KLRG1: variants seen among roughly 807,000 people sequenced by gnomAD.
KLRG1 encodes killer cell lectin like receptor G1.
KLRG1 carries 16 observed loss-of-function variants against 21.8 expected under a neutral mutation model. The ratio of observed to expected loss-of-function variants is 0.73; its 90% confidence interval spans 0.50 to 1.11. The LOEUF (loss-of-function observed/expected upper bound fraction) is 1.11. Ranked by LOEUF, KLRG1 falls within the 50% of genes most tolerant of loss-of-function variation. The pLI is 0.00. For missense variants in KLRG1, 173 were observed against 218.3 expected, an observed-to-expected ratio of 0.79 and a Z score of 1.31; for synonymous variants, 69 against 75.9, an observed-to-expected ratio of 0.91 and a Z score of 0.47.
chr12:9,063,847 G>A, the KLRG1 span, among the ~76,000 whole-genome samples: 4 of 152,114 alleles, frequency 2.6e-5, no homozygotes, highest in Non-Finnish European at 5.9e-5. Flanking sequence ...CAGATAGTAG[G>A]CAATCAGTTA....
At chr12:9,149,229 A>AT in the KLRG1 span, among the ~76,000 whole-genome samples, 1 of 152,252 alleles carries the variant, frequency 6.6e-6, no homozygotes, top group African/African-American at 2.4e-5. Flanking sequence ...CATTTACAAA[A>AT]TTAAGTGTAA....
chr12:9,169,603 G>A, the KLRG1 span: 1,183 of 1,582,398 alleles, frequency 7.5e-4, 2 homozygotes, highest in Non-Finnish European at 9.6e-4. Flanking sequence ...TGTAGCAGTG[G>A]GGGGATCAAA....
the KLRG1 span, among the ~76,000 whole-genome samples, chr12:9,205,097 AAAAAC>A: frequency 2.0e-5 from 3 of 152,324 alleles, no homozygotes; most frequent in East Asian, 1.9e-4. Context: ...TGTTTCAAAA[AAAAAC>A]AAAACAAAGT....
the KLRG1 span, among the ~76,000 whole-genome samples, chr12:9,039,830 T>G: frequency 6.6e-6 from 1 of 152,258 alleles, no homozygotes; most frequent in Non-Finnish European, 1.5e-5. Context: ...AGTTCTTTAG[T>G]GGCCATTCAA....
At chr12:9,162,910 T>G in the KLRG1 span, among the ~76,000 whole-genome samples, 2 of 152,194 alleles carry the variant, frequency 1.3e-5, no homozygotes, top group Non-Finnish European at 2.9e-5. Flanking sequence ...CTAGCTATTC[T>G]TCCTGATGCT....
intron 1 of KLRG1, among the ~76,000 whole-genome samples, chr12:8,968,231 C>T (rs1040194206): frequency 1.1e-4 from 8 of 70,812 alleles, no homozygotes; most frequent in Non-Finnish European, 1.0e-4. Flanking sequence ...CAAGTGTATG[C>T]TATCTAAAAC....
the KLRG1 span, among the ~76,000 whole-genome samples, chr12:9,173,356 C>G: frequency 6.6e-6 from 1 of 152,114 alleles, no homozygotes; most frequent in South Asian, 2.1e-4. Context: ...CACTAAGTGC[C>G]TGCATCTAAA....
At chr12:9,213,168 G>A in the KLRG1 span, among the ~76,000 whole-genome samples, 1 of 152,050 alleles carries the variant, frequency 6.6e-6, no homozygotes, top group African/African-American at 2.4e-5. Flanking sequence ...ATGAGTGAAC[G>A]ATATTGAACA....
At chr12:9,180,810 T>C in the KLRG1 span, among the ~76,000 whole-genome samples, 1 of 152,138 alleles carries the variant, frequency 6.6e-6, no homozygotes, top group African/African-American at 2.4e-5. Context: ...GGGATCTAAT[T>C]AAACTAAAGA....
At chr12:9,214,681 C>T in the KLRG1 span, among the ~76,000 whole-genome samples, 11 of 151,860 alleles carry the variant, frequency 7.2e-5, no homozygotes, top group Admixed American at 2.6e-4. Context: ...TGTTGCAATG[C>T]GTCCGTCCAG....
the KLRG1 span, among the ~76,000 whole-genome samples, chr12:9,025,595 C>A: frequency 2.6e-4 from 40 of 152,118 alleles, no homozygotes; most frequent in African/African-American, 9.7e-4. Flanking sequence ...CGAGATCGTG[C>A]GACTGCACTC....
chr12:9,175,170 ATCT>A, the KLRG1 span, among the ~76,000 whole-genome samples: 35 of 152,172 alleles, frequency 2.3e-4, no homozygotes, highest in Non-Finnish European at 4.7e-4. Flanking sequence ...ACCTACAACC[ATCT>A]GATCTTTGAC....
the KLRG1 span, chr12:9,158,562 A>G: frequency 3.7e-6 from 6 of 1,614,122 alleles, no homozygotes; most frequent in African/African-American, 1.3e-5. Flanking sequence ...AGTCTTCAGT[A>G]CAAAAGCTGT....
the KLRG1 span, chr12:9,104,440 A>G: frequency 3.2e-5 from 49 of 1,539,266 alleles, no homozygotes; most frequent in Non-Finnish European, 4.1e-5. Flanking sequence ...ATTGGTAATA[A>G]CTAATAGGCA....
the KLRG1 span, chr12:9,168,651 G>T: frequency 4.5e-6 from 2 of 445,876 alleles, no homozygotes; most frequent in South Asian, 5.2e-5. Context: ...TATTTTATCT[G>T]ATTTTGTGCC....
chr12:9,210,673 A>G, the KLRG1 span, among the ~76,000 whole-genome samples: 3 of 152,222 alleles, frequency 2.0e-5, no homozygotes, highest in African/African-American at 7.2e-5. Context: ...ATTACCTTGT[A>G]TACCATTACT....
the KLRG1 span, chr12:9,181,172 A>G: frequency 2.5e-6 from 4 of 1,613,024 alleles, no homozygotes; most frequent in African/African-American, 2.7e-5. Context: ...TGTTTTCCCT[A>G]CTTCTGTGAT....
chr12:9,146,945 T>C, the KLRG1 span, among the ~76,000 whole-genome samples: 1 of 152,074 alleles, frequency 6.6e-6, no homozygotes. Context: ...AGTTGAGAGC[T>C]GGGATTTAAA....
chr12:8,995,808 A>G (rs938831363), intron 3 of KLRG1, among the ~76,000 whole-genome samples: 1 of 151,396 alleles, frequency 6.6e-6, no homozygotes, highest in Non-Finnish European at 1.5e-5. Flanking sequence ...TCAGCCTCCC[A>G]AGTAGCTGGA....
Sources: allele counts gnomAD v4.1 joint callset (sites outside exome capture counted in the v4.1 genomes callset), GRCh38; gene constraint gnomAD v4.1.1; transcripts MANE v1.5; gene names NCBI Gene and HGNC (gene_info 2026-07-23, HGNC 2026-07-21).